The following ARHGEF7 variants were observed in gnomAD, a reference collection of about 807,000 sequenced individuals.
ARHGEF7 encodes Rho guanine nucleotide exchange factor 7.
A neutral mutation model predicts 109.8 loss-of-function variants in ARHGEF7; 33 were observed. The observed-to-expected ratio is 0.30, with a 90% CI of 0.23 to 0.40. The LOEUF (loss-of-function observed/expected upper bound fraction) is 0.40, where lower values mean the gene tolerates loss of function less well. Ranked by LOEUF, ARHGEF7 falls within the 10% of genes least tolerant of loss-of-function variation. The pLI, the probability that ARHGEF7 is intolerant of heterozygous loss-of-function variation, is 1.00. For missense variants in ARHGEF7, 938 were observed against 1,098.5 expected, an observed-to-expected ratio of 0.85 and a Z score of 2.07; for synonymous variants, 458 against 424.6, an observed-to-expected ratio of 1.08 and a Z score of -0.97.
intron 19 of ARHGEF7, chr13:111,295,223 G>T: frequency 1.0e-6 from 1 of 984,538 alleles, no homozygotes; most frequent in Non-Finnish European, 1.2e-6. Flanking sequence ...GTTACATGGG[G>T]GAGGGGAATA....
At chr13:111,160,801 C>G (rs1357216910) in intron 2 of ARHGEF7, among the ~76,000 whole-genome samples, 1 of 152,164 alleles carries the variant, frequency 6.6e-6, no homozygotes, top group Non-Finnish European at 1.5e-5. Context: ...CCCCTTTGCT[C>G]CTCACCCTTC....
chr13:111,265,821 C>A (rs1206067606), intron 8 of ARHGEF7: 1 of 435,486 alleles, frequency 2.3e-6, no homozygotes, highest in African/African-American at 2.0e-5. Context: ...TGTGAGGATG[C>A]AATAGGGGAC....
chr13:111,164,086 G>A (rs1229930187), intron 2 of ARHGEF7, among the ~76,000 whole-genome samples: 2 of 152,114 alleles, frequency 1.3e-5, no homozygotes, highest in East Asian at 1.9e-4. Context: ...GGGGAAATAC[G>A]GTGATCTTTG....
intron 5 of ARHGEF7, among the ~76,000 whole-genome samples, chr13:111,223,851 C>T (rs1594910806): frequency 1.4e-5 from 2 of 147,216 alleles, no homozygotes; most frequent in African/African-American, 2.5e-5. Context: ...CCATGGATTT[C>T]TATAGCATTT....
intron 8 of ARHGEF7, among the ~76,000 whole-genome samples, chr13:111,264,210 A>T (rs949985509): frequency 6.6e-6 from 1 of 152,240 alleles, no homozygotes; most frequent in South Asian, 2.1e-4. Context: ...TGGATGAATT[A>T]GACCAGTGTT....
Position 111,280,252 on chromosome 13 carries a change from TGG to T in ARHGEF7, c.1507-12_1507-11del. 10 of 1,434,224 alleles carry T rather than the reference TGG, an allele frequency of 7.0e-6. No homozygotes were observed. Among genetic ancestry groups the T allele is most frequent in the South Asian group, 2.5e-5 (2 of 79,108 alleles). 88.8% of individuals were successfully genotyped at this position (1,434,224 alleles called of 1,614,324 possible). A position where few individuals can be genotyped will look rare whatever the true frequency, so the allele number is the denominator to read the frequency against. On this transcript the variant is annotated intron_variant, in intron 13 of 21. Coordinates refer to ENST00000646102, the MANE Select transcript of ARHGEF7 (RefSeq NM_001354046.2). ...AAAGCACTAATTGTTTTTTTTTTTGTGGGGGGGGGTCTTTTTTAGGGAAAGCT... is the reference window on the plus strand; with the variant it reads ...AAAGCACTAATTGTTTTTTTTTTTGTGGGGGGGTCTTTTTTAGGGAAAGCT...
In ARHGEF7 at chr13:111,266,171, A is replaced by G. The variant is rs972972097; in HGVS notation, c.951-1377A>G. On this transcript the variant is annotated intron_variant, in intron 8 of 21. Coordinates refer to ENST00000646102, the MANE Select transcript of ARHGEF7 (RefSeq NM_001354046.2). This position sits in a 1 kb window ranked among gnomAD's most constrained non-coding sequence, Gnocchi z 4.8. ...CCATGTGAATGCTCACGGTTGACTC[A>G]GATGGAGACAGTTAGAGGAAGCGAT... is the stretch of plus-strand genomic sequence containing the variant. Among the ~76,000 whole-genome samples, 1 of 152,152 alleles carries G rather than the reference A, an allele frequency of 6.6e-6. No homozygotes were observed. The highest frequency in any genetic ancestry group is 1.9e-4 in the East Asian group (1 of 5,178).
chr13:111,225,721 G>A (rs2085115705), intron 5 of ARHGEF7, among the ~76,000 whole-genome samples: 1 of 152,068 alleles, frequency 6.6e-6, no homozygotes, highest in African/African-American at 2.4e-5. Flanking sequence ...CATGAACCAT[G>A]CCCATGTAAG....
At chr13:111,214,187 C>T (rs563844515) in intron 4 of ARHGEF7, among the ~76,000 whole-genome samples, 3 of 152,348 alleles carry the variant, frequency 2.0e-5, no homozygotes, top group East Asian at 1.9e-4. Flanking sequence ...CTCCCTCACC[C>T]GTACCTTAAG....
intron 19 of ARHGEF7, chr13:111,292,642 T>C: frequency 8.6e-7 from 1 of 1,157,818 alleles, no homozygotes; most frequent in Non-Finnish European, 1.1e-6. Flanking sequence ...TTGATTTCTT[T>C]CTGGATACAG....
chr13:111,218,525 T>C (rs2083416680), intron 5 of ARHGEF7, among the ~76,000 whole-genome samples: 1 of 152,204 alleles, frequency 6.6e-6, no homozygotes, highest in African/African-American at 2.4e-5. Flanking sequence ...TGTGTCACTT[T>C]ACTTGCATCC....
At chr13:111,242,881 G>A (rs191628703) in intron 6 of ARHGEF7, among the ~76,000 whole-genome samples, 204 of 152,332 alleles carry the variant, frequency 1.3e-3, no homozygotes, top group African/African-American at 4.5e-3. Context: ...GTGCCTTCTC[G>A]TCCCACCCTG....
intron 5 of ARHGEF7, among the ~76,000 whole-genome samples, chr13:111,230,874 C>T (rs1452092844): frequency 6.6e-6 from 1 of 152,202 alleles, no homozygotes; most frequent in African/African-American, 2.4e-5. Flanking sequence ...TGGGTTTCTT[C>T]TGCCTGTTTT....
chr13:111,223,981 C>T (rs1288770618), intron 5 of ARHGEF7, among the ~76,000 whole-genome samples: 3 of 151,912 alleles, frequency 2.0e-5, no homozygotes, highest in Non-Finnish European at 2.9e-5. Flanking sequence ...CCCAGCCTCC[C>T]AAGTAGCTGG....
chr13:111,213,848 T>C (rs1566842343), intron 4 of ARHGEF7, among the ~76,000 whole-genome samples: 1 of 152,094 alleles, frequency 6.6e-6, no homozygotes, highest in South Asian at 2.1e-4. Flanking sequence ...CTGAACGTGG[T>C]AGTATAGAGT....
At chr13:111,213,769 A>G (rs950305608) in intron 4 of ARHGEF7, among the ~76,000 whole-genome samples, 3 of 152,294 alleles carry the variant, frequency 2.0e-5, no homozygotes, top group African/African-American at 7.2e-5. Flanking sequence ...GATGAAATCC[A>G]TCTCTTCCAG....
At chr13:111,198,823 C>G (rs139884925) in intron 2 of ARHGEF7, among the ~76,000 whole-genome samples, 134 of 152,278 alleles carry the variant, frequency 8.8e-4, no homozygotes, top group African/African-American at 3.1e-3. Context: ...TGCCCACGTC[C>G]TGCTGATTGG....
intron 21 of ARHGEF7, among the ~76,000 whole-genome samples, chr13:111,302,690 T>C (rs1412393016): frequency 6.6e-6 from 1 of 152,222 alleles, no homozygotes; most frequent in Non-Finnish European, 1.5e-5. Context: ...GGATAGGAGC[T>C]GTCTCGTCCG....
Position 111,157,369 on chromosome 13 carries a change from TA to T in ARHGEF7, c.252+3380del, listed in dbSNP as rs1339693747. Among the ~76,000 whole-genome samples the T allele has an allele frequency of 2.0e-5, 3 of 151,874 alleles. No homozygotes were observed. In the East Asian group the frequency reaches 5.8e-4, roughly 29 times the overall value. ...TGTATCTCAAAAGCAACCAAAATAA[TA>T]ATTATTAATAAGAATAATGATGATG... is the stretch of plus-strand genomic sequence containing the variant. On this transcript the variant is annotated intron_variant, in intron 2 of 21. Coordinates refer to ENST00000646102, the MANE Select transcript of ARHGEF7 (RefSeq NM_001354046.2).
Sources: allele counts gnomAD v4.1 joint callset (sites outside exome capture counted in the v4.1 genomes callset), GRCh38; gene constraint gnomAD v4.1.1; non-coding constraint Gnocchi (gnomAD v3.1); transcripts MANE v1.5; gene names NCBI Gene and HGNC (gene_info 2026-07-23, HGNC 2026-07-21).